Variants in ADAM20 observed in about 807,000 individuals in gnomAD.
ADAM20 encodes ADAM metallopeptidase domain 20, also known as disintegrin and metalloproteinase domain-containing protein 20.
For missense variants in ADAM20, 871 were observed against 883.2 expected (o/e 0.99, Z 0.18); for synonymous variants, 305 against 310.2 (o/e 0.98, Z 0.18).
At chr14:70,558,329 T>G in the ADAM20 span, among the ~76,000 whole-genome samples, 2 of 152,214 alleles carry the variant, frequency 1.3e-5, no homozygotes, top group African/African-American at 4.8e-5. Flanking sequence ...AAAACATACA[T>G]AGATCGGATT....
At chr14:70,535,823 C>CA (rs1187390769), upstream of ADAM20, among the ~76,000 whole-genome samples, 1 of 148,848 alleles carries the variant, frequency 6.7e-6, no homozygotes, top group African/African-American at 2.5e-5. Context: ...GAAACAGCAA[C>CA]AAAAATAAAG....
At chr14:70,555,610 T>C in the ADAM20 span, among the ~76,000 whole-genome samples, 49,010 of 152,076 alleles carry the variant, frequency 0.32, 9,555 homozygotes, top group East Asian at 0.56. Flanking sequence ...AAACAACTTA[T>C]TGAAAATTTA....
intron 1 of ADAM20, among the ~76,000 whole-genome samples, chr14:70,533,729 G>A (rs1227311827): frequency 6.6e-6 from 1 of 151,056 alleles, no homozygotes; most frequent in Non-Finnish European, 1.5e-5. Context: ...TAACAAACCT[G>A]CACATTCTGC....
At chr14:70,565,180 A>G in the ADAM20 span, among the ~76,000 whole-genome samples, 1 of 151,694 alleles carries the variant, frequency 6.6e-6, no homozygotes, top group South Asian at 2.1e-4. Flanking sequence ...ATCAAGCAGA[A>G]GACAGAATTT....
the ADAM20 span, among the ~76,000 whole-genome samples, chr14:70,555,234 A>G: frequency 6.6e-6 from 1 of 152,300 alleles, no homozygotes; most frequent in Admixed American, 6.5e-5. Flanking sequence ...TATACTTGAA[A>G]TTTACTAAGC....
At chr14:70,530,347 G>T (rs1883685098) in intron 1 of ADAM20, among the ~76,000 whole-genome samples, 1 of 152,034 alleles carries the variant, frequency 6.6e-6, no homozygotes, top group African/African-American at 2.4e-5. Context: ...TGATCACAAT[G>T]CCTTCTTCTG....
At chr14:70,544,819 T>C in the ADAM20 span, among the ~76,000 whole-genome samples, 1 of 152,118 alleles carries the variant, frequency 6.6e-6, no homozygotes, top group Non-Finnish European at 1.5e-5. Context: ...TGTATAGTCA[T>C]TACATGTCAA....
intron 1 of ADAM20, among the ~76,000 whole-genome samples, chr14:70,534,478 C>T (rs190866901): frequency 6.2e-4 from 95 of 152,082 alleles, no homozygotes; most frequent in East Asian, 7.7e-4. Flanking sequence ...TCCCAACAGA[C>T]GCATGGCCCA....
chr14:70,568,393 A>AG, the ADAM20 span, among the ~76,000 whole-genome samples: 5,196 of 152,288 alleles, frequency 0.034, 285 homozygotes, highest in African/African-American at 0.12. Context: ...GATCCCATGC[A>AG]AATGATAGCA....
chr14:70,553,201 C>A, the ADAM20 span, among the ~76,000 whole-genome samples: 1 of 68,424 alleles, frequency 1.5e-5, no homozygotes, highest in African/African-American at 5.9e-5. Flanking sequence ...GGAGATATAC[C>A]TAATGCTAGA....
the ADAM20 span, among the ~76,000 whole-genome samples, chr14:70,555,448 A>G: frequency 3.3e-5 from 5 of 152,220 alleles, no homozygotes; most frequent in Non-Finnish European, 7.3e-5. Flanking sequence ...CACTGTTTAG[A>G]GAATTTTCTA....
At chr14:70,547,366 T>A in the ADAM20 span, 2 of 150,554 alleles carry the variant, frequency 1.3e-5, no homozygotes, top group Admixed American at 1.3e-4. Context: ...AGAAGACGGG[T>A]GATTTCTGCA....
the ADAM20 span, among the ~76,000 whole-genome samples, chr14:70,574,649 AAGAAAG>A: frequency 1.3e-5 from 2 of 151,574 alleles, no homozygotes; most frequent in African/African-American, 4.9e-5. Context: ...CAAAAAAAAA[AAGAAAG>A]AAAGAAAGAA....
Position 70,524,090 on chromosome 14 carries a change from G to A in ADAM20, c.668C>T (p.Ser223Phe), listed in dbSNP as rs752215671. ...CTGCACTGTTGTTGCATTACTTTGA[G>A]AGAAAAGATATCTAATATTATCCAC... The part of the protein sequence containing the change: ...VVVDNIRYLF[S>F]QSNATTVQHE... Residue 223 changes from serine (S) to phenylalanine (F), a missense_variant, in exon 2 of 2, where the codon TCT (serine) becomes TTT (phenylalanine). Ser to Phe is a radical substitution (Grantham distance 155). Transcript: ENST00000256389. The A allele has an allele frequency of 6.2e-7, 1 of 1,613,938 alleles. No individual in the cohort carries two copies. Among genetic ancestry groups the A allele is most frequent in the South Asian group, 1.1e-5 (1 of 91,070 alleles).
chr14:70,523,080 T>A lies in ADAM20; in HGVS notation c.1678A>T (p.Met560Leu), dbSNP rs1325927158. 1 of 1,613,962 alleles carries A rather than the reference T, an allele frequency of 6.2e-7. No individual in the cohort carries two copies. The highest frequency in any genetic ancestry group is 1.1e-5 in the South Asian group (1 of 91,078). The change falls in exon 2 of 2, where the codon ATG becomes TTG. Residue 560 changes from methionine to leucine, a missense_variant. By Grantham distance (15) the Met-to-Leu change is conservative. Transcript: ENST00000256389. Reference protein sequence around the residue: ...TYVKCWTPDIMCGRVQCENVG... With the variant: ...TYVKCWTPDILCGRVQCENVG... ...TTTTCACACTGAACCCTCCCACACA[T>A]GATATCAGGGGTCCAACATTTTACA...
At chr14:70,553,302 AGT>A in the ADAM20 span, among the ~76,000 whole-genome samples, 1 of 71,454 alleles carries the variant, frequency 1.4e-5, no homozygotes, top group African/African-American at 6.5e-5. Context: ...TAAAACTTAG[AGT>A]ATAATAAAAA....
intron 1 of ADAM20, among the ~76,000 whole-genome samples, chr14:70,528,340 TAG>T (rs1209548853): frequency 6.6e-6 from 1 of 152,244 alleles, no homozygotes; most frequent in Non-Finnish European, 1.5e-5. Context: ...TCTTCTTTTT[TAG>T]ATATGGTTGT....
In ADAM20 at chr14:70,523,853, T is replaced by G. The variant is rs765607089; in HGVS notation, c.905A>C (p.Asp302Ala). ...QHDVAHLFIK[D>A]TQGMKLGVAY... ...AACACCAAGCTTCATGCCTTGTGTG[T>G]CTTTTATGAAAAGATGTGCAACATC... Residue 302 changes from aspartate to alanine, a missense_variant, in exon 2 of 2, where the codon GAC (aspartate) becomes GCC (alanine). By Grantham distance (126) the Asp-to-Ala change is moderately radical (BLOSUM62 -2). Coordinates refer to ENST00000256389, the MANE Select transcript of ADAM20 (RefSeq NM_003814.5). 6.2e-7 allele frequency: 1 copy of G among 1,613,988 alleles called. No individual in the cohort carries two copies. Among genetic ancestry groups the G allele is most frequent in the East Asian group, 2.2e-5 (1 of 44,884 alleles).
Position 70,523,176 on chromosome 14 carries a change from G to C in ADAM20, c.1582C>G (p.Gln528Glu). ...GTGTTGATTTCTTGGTAGCAACTCT[G>C]AGATGCACTCCTTGCATCTTGGCCA... Reference protein sequence around the residue: ...IFGQDARSASQSCYQEINTQG... With the variant: ...IFGQDARSASESCYQEINTQG... The change falls in exon 2 of 2, where the codon CAG (glutamine) becomes GAG (glutamate). Residue 528 changes from glutamine to glutamate, a missense_variant. By Grantham distance (29) the Gln-to-Glu change is conservative (BLOSUM62 2). Transcript: ENST00000256389. The C allele has an allele frequency of 6.2e-7, 1 of 1,613,984 alleles. No individual in the cohort carries two copies. The highest frequency in any genetic ancestry group is 1.1e-5 in the South Asian group (1 of 91,076).
Sources: gnomAD v4.1 joint callset for allele counts (sites outside exome capture counted in the v4.1 genomes callset) on GRCh38, gnomAD v4.1.1 for gene constraint, MANE v1.5 for transcripts, NCBI Gene and HGNC (gene_info 2026-07-23, HGNC 2026-07-21) for gene names.